Variants in ACSM3 observed in about 807,000 individuals in gnomAD.
The protein encoded by ACSM3 is acyl-coenzyme A synthetase ACSM3, mitochondrial.
ACSM3 carries 61 observed loss-of-function variants against 74.1 expected under a neutral mutation model. The ratio of observed to expected loss-of-function variants is 0.82; its 90% CI spans 0.67 to 1.02. ACSM3 has a LOEUF of 1.02. ACSM3 is among the 50% of genes least tolerant of loss of function. ACSM3 has a pLI of 0.00. For synonymous variants in ACSM3, 213 were observed against 241.5 expected (o/e 0.88, Z 1.09); for missense variants, 660 against 697.0 (o/e 0.95, Z 0.60).
At chr16:20,682,631 A>T (rs1163254094) in intron 1 of ACSM3, among the ~76,000 whole-genome samples, 5 of 152,180 alleles carry the variant, frequency 3.3e-5, no homozygotes, top group Non-Finnish European at 7.3e-5. Context: ...CCCTGTTTCA[A>T]ACCTACAGAA....
chr16:20,682,921 TCA>T (rs1468526320), intron 1 of ACSM3, among the ~76,000 whole-genome samples: 1 of 152,134 alleles, frequency 6.6e-6, no homozygotes, highest in Non-Finnish European at 1.5e-5. Flanking sequence ...ATTCTGTATT[TCA>T]CCACATTGTC....
Position 20,682,264 on chromosome 16 carries a change from C to T in ACSM3, c.-190+7442C>T, listed in dbSNP as rs143859924. 2.5e-5 allele frequency: 41 copies of T among 1,612,828 alleles called. No individual in the cohort carries two copies. The highest frequency in any genetic ancestry group is 2.4e-4 in the African/African-American group (18 of 75,004). On this transcript the variant is annotated intron_variant, in intron 1 of 3. Coordinates refer to the ACSM3 transcript ENST00000561584. ...TCAGACCAGAGACTCACTTAACCAG[C>T]GATCGGAAGTCCAGCCACCCTTCAC...
chr16:20,687,515 G>T (rs2079575043), intron 1 of ACSM3, among the ~76,000 whole-genome samples: 1 of 152,046 alleles, frequency 6.6e-6, no homozygotes, highest in South Asian at 2.1e-4. Flanking sequence ...ACTGAGAGAG[G>T]GGGGCTGCTT....
At chr16:20,713,506 G>A (rs902278015) in intron 1 of ACSM3, among the ~76,000 whole-genome samples, 1 of 152,004 alleles carries the variant, frequency 6.6e-6, no homozygotes, top group Non-Finnish European at 1.5e-5. Context: ...AAATACAATT[G>A]TGCCACTGCA....
intron 1 of ACSM3, among the ~76,000 whole-genome samples, chr16:20,712,542 G>A (rs1177845656): frequency 6.6e-6 from 1 of 151,918 alleles, no homozygotes; most frequent in Non-Finnish European, 1.5e-5. Flanking sequence ...TTCCTAAGAT[G>A]TAAAAAAAAG....
At chr16:20,793,145 A>T (rs1367802019) in intron 12 of ACSM3, among the ~76,000 whole-genome samples, 3 of 152,176 alleles carry the variant, frequency 2.0e-5, no homozygotes, top group African/African-American at 7.2e-5. Flanking sequence ...GTTAGAAGGT[A>T]TCCAATCTCA....
At chr16:20,793,635 C>T (rs766552250) in intron 12 of ACSM3, among the ~76,000 whole-genome samples, 3 of 152,190 alleles carry the variant, frequency 2.0e-5, no homozygotes, top group Non-Finnish European at 4.4e-5. Flanking sequence ...CCAGATATAG[C>T]CCAGTGGCTG....
rs58558409 is a variant in ACSM3, at chr16:20,779,771, C to CT, written c.639-925dup. ...AAGCCAACCTTTCACGGTCAGCAAA[C>CT]TTTTTTTTTTTTTTTTTTGAGACAG... is the stretch of plus-strand genomic sequence containing the variant. On this transcript the variant is annotated intron_variant, in intron 4 of 13. Transcript: ENST00000289416. The CT allele has an allele frequency of 2.5e-3, 348 of 141,670 alleles. 1 individual carries two copies. Among genetic ancestry groups the CT allele is most frequent in the South Asian group, 6.3e-3 (33 of 5,216 alleles). The allele number at this position is 141,670 out of a possible 1,614,324, so 8.8% of individuals were successfully genotyped here.
intron 1 of ACSM3, chr16:20,685,548 G>A (rs575701245): frequency 1.6e-5 from 12 of 772,920 alleles, no homozygotes; most frequent in South Asian, 5.0e-5. Context: ...ACAGCCAGGC[G>A]CAGTGGCTCA....
At chr16:20,676,291 A>T (rs115575068) in intron 1 of ACSM3, 1 of 152,278 alleles carries the variant, frequency 6.6e-6, no homozygotes, top group East Asian at 1.9e-4. Context: ...CACCTACAAA[A>T]GTGCCAAGAA....
In ACSM3 at chr16:20,777,552, G is replaced by C; in HGVS notation, c.610G>C (p.Gly204Arg). 1.2e-6 allele frequency: 2 copies of C among 1,614,072 alleles called. No homozygotes were observed. The highest frequency in any genetic ancestry group is 1.7e-6 in the Non-Finnish European group (2 of 1,179,962). The change falls in exon 4 of 14, where the codon GGG becomes CGG. Residue 204 changes from glycine to arginine, a missense_variant. Gly to Arg is a moderately radical substitution (Grantham distance 125). Transcript: ENST00000289416. The stretch of plus-strand genomic sequence containing the variant: ...GATTGTATCAGAGAACTCCAGAGAG[G>C]GGTGGGGGAACCTCAAGGAGTTGAT... Reference protein sequence around the residue: ...KLIVSENSREGWGNLKELMKH... With the variant: ...KLIVSENSRERWGNLKELMKH...
At chr16:20,685,406 G>A (rs538866399) in intron 1 of ACSM3, 7 of 1,613,766 alleles carry the variant, frequency 4.3e-6, no homozygotes, top group South Asian at 1.1e-5. Context: ...TTGCCCTCCT[G>A]GTCAAGACCA....
Position 20,781,072 on chromosome 16 carries a change from A to G in ACSM3, c.881A>G (p.Gln294Arg). ...AGTAGTGTTTTTTCTCCGTGGATCC[A>G]GGGAGCATGTGTATTCACACACCAT... ...AWSSVFSPWI[Q>R]GACVFTHHLP... Residue 294 changes from glutamine (Q) to arginine (R), a missense_variant, in exon 6 of 14, where the codon CAG becomes CGG. Gln to Arg is a conservative substitution (Grantham distance 43). Coordinates refer to ENST00000289416, the MANE Select transcript of ACSM3 (RefSeq NM_005622.4). 3.1e-6 allele frequency: 5 copies of G among 1,614,184 alleles called. No individual in the cohort carries two copies. The highest frequency in any genetic ancestry group is 4.2e-6 in the Non-Finnish European group (5 of 1,180,026).
At chr16:20,738,447 G>A (rs528949995) in intron 1 of ACSM3, among the ~76,000 whole-genome samples, 1 of 152,248 alleles carries the variant, frequency 6.6e-6, no homozygotes, top group African/African-American at 2.4e-5. Context: ...TGAAAGGGAG[G>A]TCCTCAGGCT....
intron 1 of ACSM3, chr16:20,719,321 G>A: frequency 3.9e-6 from 1 of 257,096 alleles, no homozygotes; most frequent in East Asian, 1.0e-4. Context: ...TTTCTTCCTG[G>A]CTTTATGGAG....
chr16:20,680,173 C>T (rs1400845349), intron 1 of ACSM3: 1 of 152,188 alleles, frequency 6.6e-6, no homozygotes, highest in Non-Finnish European at 1.5e-5. Context: ...CAAGAACATG[C>T]AATCCTTTAC....
In ACSM3 at chr16:20,797,030, A is replaced by C; in HGVS notation, c.*58A>C. 6.3e-7 allele frequency: 1 copy of C among 1,586,030 alleles called. No homozygotes were observed. The highest frequency in any genetic ancestry group is 8.5e-7 in the Non-Finnish European group (1 of 1,169,650). On this transcript the variant is annotated 3_prime_UTR_variant, in exon 14 of 14. Transcript: ENST00000289416. ...AAACATAGTATCTGTCAATCTCTAG[A>C]AACCACAAGATGATGGAGAGGTCAT...
intron 1 of ACSM3, among the ~76,000 whole-genome samples, chr16:20,701,420 C>T (rs1000001956): frequency 1.3e-5 from 2 of 152,200 alleles, no homozygotes; most frequent in East Asian, 1.9e-4. Context: ...AAATAATGTT[C>T]GGAAGACACT....
chr16:20,711,236 A>G (rs1478284808), intron 1 of ACSM3, among the ~76,000 whole-genome samples: 2 of 152,246 alleles, frequency 1.3e-5, no homozygotes, highest in African/African-American at 2.4e-5. Context: ...GATCAAGGTC[A>G]CAAAGCTAGT....
Sources: allele counts gnomAD v4.1 joint callset (sites outside exome capture counted in the v4.1 genomes callset), GRCh38; gene constraint gnomAD v4.1.1; transcripts MANE v1.5; gene names NCBI Gene and HGNC (gene_info 2026-07-23, HGNC 2026-07-21).